ERO1B: variants seen among roughly 807,000 people sequenced by gnomAD.
ERO1B encodes the protein ERO1-like protein beta.
In ERO1B, 49 loss-of-function variants were observed where a neutral mutation model predicts 75.3. The ratio of observed to expected loss-of-function variants is 0.65; its 90% CI spans 0.52 to 0.83. ERO1B has a LOEUF of 0.83. Ranked by LOEUF, ERO1B falls within the 40% of genes least tolerant of loss-of-function variation. ERO1B has a pLI of 0.00. For missense variants in ERO1B, 512 were observed against 560.1 expected (o/e 0.91, Z 0.87); for synonymous variants, 191 against 192.9 (o/e 0.99, Z 0.08).
intron 5 of ERO1B, among the ~76,000 whole-genome samples, chr1:236,249,085 G>C (rs1664954329): frequency 6.7e-6 from 1 of 149,352 alleles, no homozygotes; most frequent in African/African-American, 2.5e-5. Context: ...GAGTGCAACG[G>C]TGTGATCTCA....
chr1:236,255,222 C>T (rs1665134137), intron 2 of ERO1B, among the ~76,000 whole-genome samples: 1 of 152,070 alleles, frequency 6.6e-6, no homozygotes, highest in South Asian at 2.1e-4. Context: ...GTGTGAGCCA[C>T]CATGCCCGGC....
intron 15 of ERO1B, among the ~76,000 whole-genome samples, chr1:236,219,919 G>A (rs1664094053): frequency 6.6e-6 from 1 of 151,386 alleles, no homozygotes; most frequent in Non-Finnish European, 1.5e-5. Flanking sequence ...AGCTACTTGG[G>A]AAGCTCAAGT....
At position 236,236,215 on chromosome 1, in the gene ERO1B, C is replaced by T. The variant is rs544740947; in HGVS notation, c.626+63G>A. ...GTGCTGGGATTACAGGCGTGAGCCA[C>T]AGCACCCGGCCTCTCCCGACCCTCT... On this transcript the variant is annotated intron_variant, in intron 7 of 15. Coordinates refer to ENST00000354619, the MANE Select transcript of ERO1B (RefSeq NM_019891.4). 6.6e-4 allele frequency: 1,064 copies of T among 1,600,058 alleles called. 7 individuals are homozygous for T. The highest frequency in any genetic ancestry group is 1.4e-3 in the East Asian group (62 of 44,534).
rs947067908 is a variant in ERO1B at position 236,216,651 on chromosome 1, A to T, written c.*1865T>A. On this transcript the variant is annotated 3_prime_UTR_variant, in exon 16 of 16. Transcript: ENST00000354619. ...AAACAATAAATGGACATGAGCGAGG[A>T]TTTTCTCCAGTAAACAGTTTAAATA... 6 of 152,064 alleles carry T rather than the reference A, an allele frequency of 3.9e-5. No individual in the cohort carries two copies. The highest frequency in any genetic ancestry group is 7.4e-5 in the Non-Finnish European group (5 of 67,952). 9.4% of individuals were successfully genotyped at this position (152,064 alleles called of 1,614,324 possible). A position where few individuals can be genotyped will look rare whatever the true frequency, so the allele number is the denominator to read the frequency against.
chr1:236,279,400 G>A (rs1665772961), intron 1 of ERO1B, among the ~76,000 whole-genome samples: 2 of 147,312 alleles, frequency 1.4e-5, no homozygotes, highest in Non-Finnish European at 1.5e-5. Flanking sequence ...TTACTCGGGA[G>A]GCTGAGACAG....
rs67072171 is a variant in ERO1B at position 236,237,116 on chromosome 1, C to CTTTTTTT, written c.506-725_506-719dup. Among the ~76,000 whole-genome samples the CTTTTTTT allele has an allele frequency of 5.7e-5, 6 of 105,482 alleles. 1 individual carries two copies. The highest frequency in any genetic ancestry group is 2.4e-4 in the East Asian group (1 of 4,100). The allele number at this position is 105,482 out of a possible 152,430, so 69.2% of individuals were successfully genotyped here. Reference sequence around the variant, plus strand: ...TTTACCCCGATCTCCACTATTTGGACTTTTTTTTTTTTTTTTTTTTTGAGA... The same window carrying CTTTTTTT: ...TTTACCCCGATCTCCACTATTTGGACTTTTTTTTTTTTTTTTTTTTTTTTTTTTGAGA... On this transcript the variant is annotated intron_variant, in intron 6 of 15. Transcript: ENST00000354619.
Position 236,218,359 on chromosome 1 carries a change from C to A in ERO1B, c.*157G>T. The A allele has an allele frequency of 2.0e-6, 1 of 502,676 alleles. No homozygotes were observed. The highest frequency in any genetic ancestry group is 2.9e-6 in the Non-Finnish European group (1 of 342,012). The allele number at this position is 502,676 out of a possible 1,614,324, so 31.1% of individuals were successfully genotyped here. On this transcript the variant is annotated 3_prime_UTR_variant, in exon 16 of 16. Coordinates refer to ENST00000354619, the MANE Select transcript of ERO1B (RefSeq NM_019891.4). ...ATAAATATCTCTAGTTGATAATAAT[C>A]TATTAAGAATCATAAATATTCAAGT...
Position 236,218,448 on chromosome 1 carries a change from G to A in ERO1B, c.*68C>T. 7.5e-7 allele frequency: 1 copy of A among 1,337,144 alleles called. No homozygotes were observed. Among genetic ancestry groups the A allele is most frequent in the Non-Finnish European group, 9.7e-7 (1 of 1,030,468 alleles). The allele number at this position is 1,337,144 out of a possible 1,614,324, so 82.8% of individuals were successfully genotyped here. A position where few individuals can be genotyped will look rare whatever the true frequency, so the allele number is the denominator to read the frequency against. On this transcript the variant is annotated 3_prime_UTR_variant, in exon 16 of 16. Transcript: ENST00000354619. The stretch of plus-strand genomic sequence containing the variant: ...GAAGTCAGATTAGTGTCTTTCTGAT[G>A]AATGTCCATAATTAAAAGGCTTTCC...
In ERO1B at chr1:236,217,617, T is replaced by C. The variant is rs536201107; in HGVS notation, c.*899A>G. On this transcript the variant is annotated 3_prime_UTR_variant, in exon 16 of 16. Transcript: ENST00000354619. ...TAATATTTTCAATTGGCATTATAAA[T>C]TCATATAATCCCATTTAAATTTTAT... is the stretch of plus-strand genomic sequence containing the variant. The C allele has an allele frequency of 6.5e-6, 1 of 152,734 alleles. No homozygotes were observed. Among genetic ancestry groups the C allele is most frequent in the East Asian group, 1.9e-4 (1 of 5,188 alleles). The allele number at this position is 152,734 out of a possible 1,614,324, so 9.5% of individuals were successfully genotyped here.
chr1:236,267,904 A>T (rs1476512126), intron 2 of ERO1B: 1 of 152,108 alleles, frequency 6.6e-6, no homozygotes, highest in Non-Finnish European at 1.5e-5. Flanking sequence ...AGCTTGCTCC[A>T]TCCACTCCTC....
intron 4 of ERO1B, chr1:236,251,348 TG>T: frequency 4.9e-6 from 1 of 203,120 alleles, no homozygotes; most frequent in Non-Finnish European, 8.7e-6. Context: ...TGGTTAGCTC[TG>T]GGAGGAAGGA....
chr1:236,221,779 T>TAA, intron 14 of ERO1B, 145 bp downstream of exon 14: 4 of 636,016 alleles, frequency 6.3e-6, no homozygotes, highest in African/African-American at 1.9e-5. Context: ...ACTTTAATTT[T>TAA]TTCATCAACA....
chr1:236,247,572 A>G (rs1664916184), intron 5 of ERO1B, among the ~76,000 whole-genome samples: 1 of 152,132 alleles, frequency 6.6e-6, no homozygotes, highest in Non-Finnish European at 1.5e-5. Context: ...TCTGCAACAT[A>G]TCAGGCTCCC....
chr1:236,226,641 G>A lies in ERO1B; in HGVS notation c.805+6C>T, dbSNP rs765072059. On this transcript the variant is annotated splice_donor_region_variant and intron_variant, in intron 11 of 15. Coordinates refer to ENST00000354619, the MANE Select transcript of ERO1B (RefSeq NM_019891.4). ...AGGCAAAATCTCGACTTAAAAATATGATTACCTTCCAAAAGATAATTTGCG... is the reference window on the plus strand; with the variant it reads ...AGGCAAAATCTCGACTTAAAAATATAATTACCTTCCAAAAGATAATTTGCG... 6.2e-7 allele frequency: 1 copy of A among 1,608,652 alleles called. No individual in the cohort carries two copies. The highest frequency in any genetic ancestry group is 8.5e-7 in the Non-Finnish European group (1 of 1,178,282).
chr1:236,234,963 A>G (rs1664501026), intron 8 of ERO1B, among the ~76,000 whole-genome samples: 1 of 152,216 alleles, frequency 6.6e-6, no homozygotes, highest in Admixed American at 6.5e-5. Flanking sequence ...ATTCAAAAGT[A>G]TACACACACT....
At chr1:236,247,126 A>T (rs889494346) in intron 5 of ERO1B, among the ~76,000 whole-genome samples, 1 of 151,788 alleles carries the variant, frequency 6.6e-6, no homozygotes, top group Non-Finnish European at 1.5e-5. Flanking sequence ...CTCTATTTAC[A>T]CTCTCTCCTT....
At chr1:236,278,025 T>C (rs376913626) in intron 1 of ERO1B, among the ~76,000 whole-genome samples, 40 of 152,296 alleles carry the variant, frequency 2.6e-4, no homozygotes, top group African/African-American at 8.4e-4. Flanking sequence ...AATATCTGAT[T>C]CATGGTGCCC....
At position 236,225,069 on chromosome 1, in the gene ERO1B, C is replaced by T; in HGVS notation, c.1122+1G>A. 6.2e-7 allele frequency: 1 copy of T among 1,613,718 alleles called. No individual in the cohort carries two copies. Among genetic ancestry groups the T allele is most frequent in the South Asian group, 1.1e-5 (1 of 91,082 alleles). On this transcript the variant is annotated splice_donor_variant, in intron 13 of 15. Coordinates refer to ENST00000354619, the MANE Select transcript of ERO1B (RefSeq NM_019891.4). LOFTEE classifies it high-confidence loss of function. Reference sequence around the variant, plus strand: ...CCGTGTCCCAATCGAGAACTTTTTACCTTTAGTGACTTGGCCCCTTTTTTG... The same window carrying T: ...CCGTGTCCCAATCGAGAACTTTTTATCTTTAGTGACTTGGCCCCTTTTTTG...
intron 10 of ERO1B, among the ~76,000 whole-genome samples, chr1:236,229,618 G>C (rs1211420971): frequency 1.3e-5 from 2 of 151,940 alleles, no homozygotes; most frequent in African/African-American, 4.8e-5. Context: ...AATTTGGTAA[G>C]GTAAATTTTT....
Sources: gnomAD v4.1 joint callset for allele counts (sites outside exome capture counted in the v4.1 genomes callset) on GRCh38, gnomAD v4.1.1 for gene constraint, MANE v1.5 for transcripts, NCBI Gene and HGNC (gene_info 2026-07-23, HGNC 2026-07-21) for gene names.